EPB41L1: variants seen among roughly 807,000 people sequenced by gnomAD.
The protein encoded by EPB41L1 is band 4.1-like protein 1.
EPB41L1 carries 29 observed loss-of-function variants against 97.8 expected under a neutral mutation model. The observed-to-expected ratio is 0.30, with a 90% CI of 0.22 to 0.40. The LOEUF (loss-of-function observed/expected upper bound fraction) is 0.40, where lower values mean the gene tolerates loss of function less well. Among genes scored for constraint, EPB41L1 ranks in the 10% least tolerant of loss-of-function variants. EPB41L1 has a pLI of 1.00. For missense variants in EPB41L1, 812 were observed against 1,162.3 expected (o/e 0.70, Z 4.38); for synonymous variants, 383 against 459.2 (o/e 0.83, Z 2.12).
intron 1 of EPB41L1, among the ~76,000 whole-genome samples, chr20:36,167,656 C>T (rs1045551743): frequency 2.6e-5 from 4 of 151,392 alleles, no homozygotes; most frequent in Admixed American, 6.6e-5. Context: ...TACAGTGAGC[C>T]GAAATCATGC....
intron 1 of EPB41L1, chr20:36,155,180 A>T (rs1345155860): frequency 6.6e-6 from 3 of 456,790 alleles, no homozygotes; most frequent in Middle Eastern, 6.7e-4. Context: ...CGGCTGGCCC[A>T]GTCTCTTTTC....
chr20:36,104,058 G>A (rs567917697), intron 1 of EPB41L1, among the ~76,000 whole-genome samples: 4 of 152,246 alleles, frequency 2.6e-5, no homozygotes, highest in Middle Eastern at 3.4e-3. Flanking sequence ...TGCTGCGGGG[G>A]CCAGGGTGAG....
In EPB41L1 at chr20:36,190,772, C is replaced by T. The variant is rs2061912987; in HGVS notation, c.1275C>T (p.Tyr425=). ...PFFERSSSKR[Y]TMSRSLDGAE... ...TTGAGCGTTCTTCCAGCAAACGGTA[C>T]ACCATGTCCCGCAGCCTTGATGGAG... Residue 425 remains tyrosine, a synonymous_variant, in exon 11 of 22, where the codon TAC becomes TAT. Coordinates refer to ENST00000338074, the MANE Select transcript of EPB41L1 (RefSeq NM_012156.2). The surrounding 1 kb of genome is among the most constrained non-coding windows in gnomAD (Gnocchi z 5.8). 1 of 1,614,004 alleles carries T rather than the reference C, an allele frequency of 6.2e-7. No homozygotes were observed. The highest frequency in any genetic ancestry group is 1.7e-5 in the Admixed American group (1 of 60,000).
At position 36,195,643 on chromosome 20, in the gene EPB41L1, C is replaced by T. The variant is rs1422219940; in HGVS notation, c.1485+279C>T. The stretch of plus-strand genomic sequence containing the variant: ...CCTCTCCCCAGCTCACCCGGTCCTC[C>T]ATACTTGCAGCTCACCTGCTGACCA... On this transcript the variant is annotated intron_variant, in intron 13 of 21. Transcript: ENST00000338074. This position sits in a 1 kb window ranked among gnomAD's most constrained non-coding sequence, Gnocchi z 4.6. 6.6e-6 allele frequency among the ~76,000 whole-genome samples: 1 copy of T among 152,176 alleles called. No homozygotes were observed. Among genetic ancestry groups the T allele is most frequent in the African/African-American group, 2.4e-5 (1 of 41,428 alleles).
intron 1 of EPB41L1, among the ~76,000 whole-genome samples, chr20:36,160,312 G>A (rs1600669600): frequency 6.6e-6 from 1 of 152,128 alleles, no homozygotes; most frequent in African/African-American, 2.4e-5. Context: ...GGCCAGGCAC[G>A]GTGGCTCATG....
At chr20:36,180,485 A>G (rs1375597988) in intron 5 of EPB41L1, among the ~76,000 whole-genome samples, 1 of 152,120 alleles carries the variant, frequency 6.6e-6, no homozygotes, top group Admixed American at 6.5e-5. Context: ...TCAATGACAT[A>G]TGTATGGACA....
intron 9 of EPB41L1, among the ~76,000 whole-genome samples, chr20:36,189,496 T>C (rs2061850354): frequency 6.6e-6 from 1 of 152,222 alleles, no homozygotes; most frequent in South Asian, 2.1e-4. Flanking sequence ...TCGAGCTCTT[T>C]CCTGCCTGAG....
In EPB41L1 at chr20:36,207,799, C is replaced by T. The variant is rs1212714249; in HGVS notation, c.1669-1689C>T. On this transcript the variant is annotated intron_variant, in intron 14 of 21. Coordinates refer to ENST00000338074, the MANE Select transcript of EPB41L1 (RefSeq NM_012156.2). This position sits in a 1 kb window ranked among gnomAD's most constrained non-coding sequence, Gnocchi z 4.9. The stretch of plus-strand genomic sequence containing the variant: ...AACTGGGGTAACTGGCCGCGTGAGC[C>T]CCCGCCCCCACCGCTGCTCCCCGCC... The T allele has an allele frequency of 7.8e-7, 1 of 1,280,468 alleles. No individual in the cohort carries two copies. The highest frequency in any genetic ancestry group is 1.3e-5 in the South Asian group (1 of 79,734). 79.3% of individuals were successfully genotyped at this position (1,280,468 alleles called of 1,614,324 possible).
chr20:36,147,517 C>T (rs193285708), intron 2 of EPB41L1, among the ~76,000 whole-genome samples: 1 of 152,302 alleles, frequency 6.6e-6, no homozygotes, highest in South Asian at 2.1e-4. Context: ...AGCAGTGTGA[C>T]CTTGGATGAG....
At position 36,230,690 on chromosome 20, in the gene EPB41L1, G is replaced by A. The variant is rs2147259599; in HGVS notation, c.*1350G>A. On this transcript the variant is annotated 3_prime_UTR_variant, in exon 22 of 22. Coordinates refer to ENST00000338074, the MANE Select transcript of EPB41L1 (RefSeq NM_012156.2). Reference sequence around the variant, plus strand: ...CCCAGTCTGGGACTCTGCTGCTGAAGTTGCCACAGTAGAGGTCCCTGGCTT... The same window carrying A: ...CCCAGTCTGGGACTCTGCTGCTGAAATTGCCACAGTAGAGGTCCCTGGCTT... 1 of 152,276 alleles carries A rather than the reference G, an allele frequency of 6.6e-6. No individual in the cohort carries two copies. The highest frequency in any genetic ancestry group is 6.5e-5 in the Admixed American group (1 of 15,290). 9.4% of individuals were successfully genotyped at this position (152,276 alleles called of 1,614,324 possible). A position where few individuals can be genotyped will look rare whatever the true frequency, so the allele number is the denominator to read the frequency against.
chr20:36,125,367 G>A (rs1318400207), intron 2 of EPB41L1: 2 of 699,238 alleles, frequency 2.9e-6, no homozygotes, highest in African/African-American at 1.8e-5. Context: ...TATCAACCGT[G>A]TGACTTCTGC....
chr20:36,188,281 G>T (rs2061770518), intron 8 of EPB41L1, 66 bp from the exon 9 acceptor site: 2 of 1,607,870 alleles, frequency 1.2e-6, no homozygotes, highest in Admixed American at 3.3e-5. Context: ...TGTTTTCGGG[G>T]TGGGTGGTAG....
rs6142531 is a variant in EPB41L1 at position 36,209,540 on chromosome 20, G to C, written c.1721G>C (p.Arg574Pro). 1 of 1,613,980 alleles carries C rather than the reference G, an allele frequency of 6.2e-7. No individual in the cohort carries two copies. The highest frequency in any genetic ancestry group is 1.1e-5 in the South Asian group (1 of 91,064). Residue 574 changes from arginine to proline, a missense_variant, in exon 15 of 22, where the codon CGG becomes CCG. By Grantham distance (103) the Arg-to-Pro change is moderately radical. Transcript: ENST00000338074. The surrounding 1 kb of genome is among the most constrained non-coding windows in gnomAD (Gnocchi z 4.2). ...GAGAAAGTCAAACCACCACGTCCCC[G>C]GGCCCCAGAGAGTGACACAGGCGAT... Reference protein sequence around the residue: ...SEEKVKPPRPRAPESDTGDED... With the variant: ...SEEKVKPPRPPAPESDTGDED...
intron 1 of EPB41L1, among the ~76,000 whole-genome samples, chr20:36,103,897 G>T (rs2058103679): frequency 6.6e-6 from 1 of 151,786 alleles, no homozygotes; most frequent in Non-Finnish European, 1.5e-5. Context: ...GTAGAGACAG[G>T]GTTTCACCGT....
chr20:36,152,893 C>A (rs1057265815), upstream of EPB41L1: 7 of 450,540 alleles, frequency 1.6e-5, no homozygotes. Flanking sequence ...GTACAGAAGG[C>A]TGCCAAGCAG....
intron 1 of EPB41L1, 122 bp downstream of exon 1, chr20:36,155,018 C>T (rs1186775672): frequency 2.1e-6 from 2 of 948,502 alleles, no homozygotes; most frequent in African/African-American, 1.7e-5. Context: ...GCTGTTGGTC[C>T]CCTGGCCAGT....
Position 36,232,334 on chromosome 20 carries a change from T to C in EPB41L1, c.*2994T>C. 1 of 330,632 alleles carries C rather than the reference T, an allele frequency of 3.0e-6. No individual in the cohort carries two copies. Among genetic ancestry groups the C allele is most frequent in the Non-Finnish European group, 5.4e-6 (1 of 183,834 alleles). The allele number at this position is 330,632 out of a possible 1,614,324, so 20.5% of individuals were successfully genotyped here. A position where few individuals can be genotyped will look rare whatever the true frequency, so the allele number is the denominator to read the frequency against. ...GGCGGTTAGGAGTTCTGGGTGACCATCCTGGCTCAGCTCCTAACTCACCAT... is the reference window on the plus strand; with the variant it reads ...GGCGGTTAGGAGTTCTGGGTGACCACCCTGGCTCAGCTCCTAACTCACCAT... On this transcript the variant is annotated 3_prime_UTR_variant, in exon 22 of 22. Coordinates refer to ENST00000338074, the MANE Select transcript of EPB41L1 (RefSeq NM_012156.2).
In EPB41L1 at chr20:36,207,766, G is replaced by C; in HGVS notation, c.1669-1722G>C. 1 of 1,289,518 alleles carries C rather than the reference G, an allele frequency of 7.8e-7. No individual in the cohort carries two copies. The highest frequency in any genetic ancestry group is 1.2e-5 in the South Asian group (1 of 81,008). The allele number at this position is 1,289,518 out of a possible 1,614,324, so 79.9% of individuals were successfully genotyped here. A position where few individuals can be genotyped will look rare whatever the true frequency, so the allele number is the denominator to read the frequency against. The stretch of plus-strand genomic sequence containing the variant: ...AGGCTGTGAAACCACGCTGGCAGAA[G>C]CTACTGGAACTGGGGTAACTGGCCG... On this transcript the variant is annotated intron_variant, in intron 14 of 21. Transcript: ENST00000338074. This position sits in a 1 kb window ranked among gnomAD's most constrained non-coding sequence, Gnocchi z 4.9.
rs59256378 is a variant in EPB41L1, at chr20:36,143,137, T to TTGTGTGTGTGTG, written c.-10+30691_-10+30702dup. On this transcript the variant is annotated intron_variant, in intron 2 of 19. Transcript: ENST00000202028. Reference sequence around the variant, plus strand: ...TGTGGCTATGTGAGGGAGGGTGTGTTTGTGTGTGTGTGTGTGTGTGTGTGT... The same window carrying TTGTGTGTGTGTG: ...TGTGGCTATGTGAGGGAGGGTGTGTTTGTGTGTGTGTGTGTGTGTGTGTGTGTGTGTGTGTGT... 4.4e-3 allele frequency among the ~76,000 whole-genome samples: 578 copies of TTGTGTGTGTGTG among 130,800 alleles called. 3 individuals carry two copies. The highest frequency in any genetic ancestry group is 0.015 in the African/African-American group (537 of 35,488). 85.8% of individuals were successfully genotyped at this position (130,800 alleles called of 152,430 possible).
Sources: allele counts gnomAD v4.1 joint callset (sites outside exome capture counted in the v4.1 genomes callset), GRCh38; gene constraint gnomAD v4.1.1; non-coding constraint Gnocchi (gnomAD v3.1); transcripts MANE v1.5; gene names NCBI Gene and HGNC (gene_info 2026-07-23, HGNC 2026-07-21).